Variants in WDR43 observed in about 807,000 individuals in gnomAD.
The protein encoded by WDR43 is WD repeat-containing protein 43.
In WDR43, 13 loss-of-function variants were observed where a neutral mutation model predicts 91.4. The ratio of observed to expected loss-of-function variants is 0.14; its 90% CI spans 0.09 to 0.23. WDR43 has a LOEUF of 0.23. Among genes scored for constraint, WDR43 ranks in the 10% least tolerant of loss-of-function variants. The pLI is 1.00. For missense variants in WDR43, 780 were observed against 809.4 expected (o/e 0.96, Z 0.44); for synonymous variants, 331 against 287.9 (o/e 1.15, Z -1.51).
chr2:28,944,317 TGG>T (rs1671502487), intron 16 of WDR43, among the ~76,000 whole-genome samples: 1 of 152,180 alleles, frequency 6.6e-6, no homozygotes, highest in Non-Finnish European at 1.5e-5. Context: ...ATGTAATGGA[TGG>T]GCATTTGTAA....
intron 12 of WDR43, 151 bp downstream of exon 12, chr2:28,935,758 A>G: frequency 2.4e-6 from 1 of 423,040 alleles, no homozygotes; most frequent in Non-Finnish European, 4.1e-6. Context: ...AAAAAAAAAA[A>G]AAAAAAAAAA....
intron 15 of WDR43, 150 bp from the exon 16 acceptor site, chr2:28,942,162 T>C: frequency 1.6e-6 from 1 of 630,424 alleles, no homozygotes; most frequent in Non-Finnish European, 2.7e-6. Flanking sequence ...TTTGAAGGAC[T>C]TTTTTGCTCT....
chr2:28,912,947 A>ATTTTTTTT (rs35646381), intron 4 of WDR43, among the ~76,000 whole-genome samples: 2 of 100,960 alleles, frequency 2.0e-5, no homozygotes, highest in African/African-American at 3.8e-5. Context: ...AAGAAACAAG[A>ATTTTTTTT]TTTTTTTTTT....
chr2:28,927,722 T>C, intron 10 of WDR43, 22 bp downstream of exon 10: 1 of 1,610,170 alleles, frequency 6.2e-7, no homozygotes, highest in Middle Eastern at 1.7e-4. Context: ...GCTTTGACCA[T>C]ATATTTGAGT....
intron 2 of WDR43, among the ~76,000 whole-genome samples, chr2:28,906,115 AT>A (rs762320506): frequency 2.2e-4 from 33 of 151,838 alleles, no homozygotes; most frequent in East Asian, 1.4e-3. Flanking sequence ...TTCTTCTTAA[AT>A]TTTTTTTTAT....
chr2:28,935,353 CAT>C (rs1055567074), intron 11 of WDR43, among the ~76,000 whole-genome samples, 166 bp from the exon 12 acceptor site: 1 of 152,138 alleles, frequency 6.6e-6, no homozygotes, highest in African/African-American at 2.4e-5. Context: ...CGTAATATAA[CAT>C]ACTCCATTCA....
At chr2:28,927,820 G>C (rs1007389657) in intron 10 of WDR43, 120 bp downstream of exon 10, 1 of 1,301,868 alleles carries the variant, frequency 7.7e-7, no homozygotes, top group Non-Finnish European at 1.0e-6. Flanking sequence ...GATTTCTCCT[G>C]TTATGCTCTC....
intron 12 of WDR43, 60 bp downstream of exon 12, chr2:28,935,667 GTAGT>G (rs1671324332): frequency 8.5e-7 from 1 of 1,175,114 alleles, no homozygotes; most frequent in Non-Finnish European, 1.2e-6. Flanking sequence ...GGAAAATTCA[GTAGT>G]TAGAGAAATG....
chr2:28,900,820 T>C (rs1379016460), intron 1 of WDR43, among the ~76,000 whole-genome samples: 1 of 124,238 alleles, frequency 8.0e-6, no homozygotes, highest in African/African-American at 2.8e-5. Context: ...GCAAGATGTG[T>C]ATTATTTTTT....
chr2:28,920,381 A>G (rs1171188827), intron 6 of WDR43, among the ~76,000 whole-genome samples: 5 of 151,538 alleles, frequency 3.3e-5, no homozygotes, highest in African/African-American at 9.7e-5. Context: ...GCATATCACC[A>G]CGCCTGGCTA....
intron 5 of WDR43, among the ~76,000 whole-genome samples, chr2:28,915,892 C>T (rs1013249349): frequency 6.6e-6 from 1 of 152,162 alleles, no homozygotes; most frequent in East Asian, 1.9e-4. Flanking sequence ...TGCATGAAAA[C>T]ATTTATAATT....
chr2:28,912,075 AT>A (rs1400131892), intron 3 of WDR43, among the ~76,000 whole-genome samples: 1 of 152,178 alleles, frequency 6.6e-6, no homozygotes, highest in East Asian at 1.9e-4. Flanking sequence ...TACCTGTCAG[AT>A]TGGGGTACAT....
chr2:28,939,818 G>A (rs1671400090), intron 14 of WDR43, among the ~76,000 whole-genome samples: 3 of 152,140 alleles, frequency 2.0e-5, no homozygotes, highest in Admixed American at 6.5e-5. Flanking sequence ...TCAGAGGTAA[G>A]GAGTGGAGTC....
At chr2:28,920,228 T>TC (rs1349014607) in intron 6 of WDR43, among the ~76,000 whole-genome samples, 1 of 106,496 alleles carries the variant, frequency 9.4e-6, no homozygotes, top group Non-Finnish European at 2.4e-5. Flanking sequence ...TTCTTTCTTT[T>TC]TTTTTTTTTT....
Position 28,895,231 on chromosome 2 carries a change from G to A in WDR43, c.225+308G>A, listed in dbSNP as rs543049135. ...TCGCCAAGTCCCCTGGTCCCCCTGG[G>A]GCGGCTTCCTTCTGCCGGGCCTTGG... On this transcript the variant is annotated intron_variant, in intron 1 of 17. Coordinates refer to ENST00000407426, the MANE Select transcript of WDR43 (RefSeq NM_015131.3). The A allele has an allele frequency of 2.5e-5, 7 of 285,504 alleles. No homozygotes were observed. In the South Asian group the frequency reaches 4.7e-4, roughly 19 times the overall value. 17.7% of individuals were successfully genotyped at this position (285,504 alleles called of 1,614,324 possible). A position where few individuals can be genotyped will look rare whatever the true frequency, so the allele number is the denominator to read the frequency against.
chr2:28,905,034 T>A (rs1046339907), intron 2 of WDR43: 1 of 152,166 alleles, frequency 6.6e-6, no homozygotes, highest in African/African-American at 2.4e-5. Context: ...GTGATTTCAT[T>A]TGGACCTTCT....
Position 28,928,063 on chromosome 2 carries a change from C to T in WDR43, c.1305+363C>T, listed in dbSNP as rs181715778. ...TTTTCTCTTGGCTGTCTGAGCAATCCTGGCTAACCTAGTGCCAGTTGGTCT... is the reference window on the plus strand; with the variant it reads ...TTTTCTCTTGGCTGTCTGAGCAATCTTGGCTAACCTAGTGCCAGTTGGTCT... On this transcript the variant is annotated intron_variant, in intron 10 of 17. Transcript: ENST00000407426. 5.2e-3 allele frequency: 1,076 copies of T among 205,160 alleles called. 4 individuals carry two copies. Among genetic ancestry groups the T allele is most frequent in the Middle Eastern group, 0.02 (10 of 494 alleles). 12.7% of individuals were successfully genotyped at this position (205,160 alleles called of 1,614,324 possible).
intron 11 of WDR43, among the ~76,000 whole-genome samples, chr2:28,934,008 C>T (rs549798648): frequency 1.3e-5 from 2 of 152,280 alleles, no homozygotes; most frequent in African/African-American, 2.4e-5. Flanking sequence ...AACACACATA[C>T]GTTCATACAA....
chr2:28,920,277 G>A (rs1288634804), intron 6 of WDR43, among the ~76,000 whole-genome samples: 3 of 145,212 alleles, frequency 2.1e-5, no homozygotes, highest in Non-Finnish European at 3.0e-5. Flanking sequence ...CCAGGCTGGA[G>A]TGTAGTGGTG....
Sources: allele counts gnomAD v4.1 joint callset (sites outside exome capture counted in the v4.1 genomes callset), GRCh38; gene constraint gnomAD v4.1.1; transcripts MANE v1.5; gene names NCBI Gene and HGNC (gene_info 2026-07-23, HGNC 2026-07-21).